The following MAP2K3 variants were observed in gnomAD, a reference collection of about 807,000 sequenced individuals.
MAP2K3 encodes the protein dual specificity mitogen-activated protein kinase kinase 3.
Under a neutral mutation model 46.4 loss-of-function variants are expected in MAP2K3, and 30 were observed. That is an observed-to-expected ratio of 0.65 (90% CI 0.48 to 0.88). The LOEUF (loss-of-function observed/expected upper bound fraction) is 0.88. MAP2K3 is among the 40% of genes least tolerant of loss of function. The pLI is 0.00. For synonymous variants in MAP2K3, 189 were observed against 176.3 expected (o/e 1.07, Z -0.57); for missense variants, 380 against 464.5 (o/e 0.82, Z 1.67).
chr17:21,299,932 A>C (rs1183063646), intron 3 of MAP2K3, among the ~76,000 whole-genome samples: 2 of 152,298 alleles, frequency 1.3e-5, no homozygotes, highest in Admixed American at 1.3e-4. Flanking sequence ...CAGTGAGCCA[A>C]GATTACCCCA....
intron 5 of MAP2K3, among the ~76,000 whole-genome samples, chr17:21,301,837 G>A (rs1441526258): frequency 5.9e-5 from 9 of 152,304 alleles, no homozygotes; most frequent in African/African-American, 1.4e-4. Context: ...TGGTGCAGGT[G>A]CATCCTGAAG....
intron 1 of MAP2K3, among the ~76,000 whole-genome samples, chr17:21,293,583 G>A (rs1219850063): frequency 3.9e-5 from 6 of 152,310 alleles, no homozygotes; most frequent in Admixed American, 3.3e-4. Context: ...GGGATCCCCC[G>A]TTCTCTGCAG....
intron 3 of MAP2K3, among the ~76,000 whole-genome samples, chr17:21,299,215 A>G (rs1976449032): frequency 6.6e-6 from 1 of 152,298 alleles, no homozygotes. Context: ...TCCTAGCCCT[A>G]GGGGAGAGTA....
chr17:21,310,330 A>C (rs1348548407), intron 9 of MAP2K3, among the ~76,000 whole-genome samples: 1 of 150,918 alleles, frequency 6.6e-6, no homozygotes, highest in African/African-American at 2.4e-5. Context: ...ATTATAATAG[A>C]CTCCTGTATG....
At chr17:21,299,163 G>A (rs1393951684) in intron 3 of MAP2K3, among the ~76,000 whole-genome samples, 4 of 152,310 alleles carry the variant, frequency 2.6e-5, no homozygotes, top group African/African-American at 9.6e-5. Context: ...GCCCAGAGCT[G>A]GTAGGAAGGT....
In MAP2K3 at chr17:21,303,169, C is replaced by G. The variant is rs752896798; in HGVS notation, c.517-14C>G. The G allele has an allele frequency of 9.3e-6, 15 of 1,614,004 alleles. No individual in the cohort carries two copies. Among genetic ancestry groups the G allele is most frequent in the African/African-American group, 1.3e-5 (1 of 74,962 alleles). On this transcript the variant is annotated splice_polypyrimidine_tract_variant and intron_variant, in intron 6 of 11. Transcript: ENST00000342679. ...AGAGTCCTGTCTCTTCCCTCCTCCC[C>G]ACCCCACCGCCAGATCGTGCGGGCC...
intron 2 of MAP2K3, 147 bp downstream of exon 2, chr17:21,298,626 G>C (rs746587848): frequency 3.8e-6 from 5 of 1,328,568 alleles, no homozygotes; most frequent in African/African-American, 1.4e-5. Context: ...GCCAGGTGAC[G>C]GCTGCTGGGG....
intron 10 of MAP2K3, among the ~76,000 whole-genome samples, chr17:21,312,748 C>G (rs1416463167): frequency 1.3e-5 from 2 of 152,062 alleles, no homozygotes; most frequent in Non-Finnish European, 2.9e-5. Context: ...AACCCCGACT[C>G]TACTAAAAAT....
intron 9 of MAP2K3, among the ~76,000 whole-genome samples, chr17:21,310,238 A>C (rs1032440384): frequency 1.3e-5 from 2 of 151,726 alleles, no homozygotes; most frequent in Non-Finnish European, 2.9e-5. Context: ...CGAACCCCCG[A>C]CCTCAAGTGA....
intron 1 of MAP2K3, among the ~76,000 whole-genome samples, chr17:21,292,120 C>T (rs1467295401): frequency 6.6e-6 from 1 of 152,310 alleles, no homozygotes; most frequent in Non-Finnish European, 1.5e-5. Flanking sequence ...TCAGCATCTG[C>T]ACTGGACAGT....
At chr17:21,286,188 C>T (rs536993954) in intron 1 of MAP2K3, among the ~76,000 whole-genome samples, 1 of 152,348 alleles carries the variant, frequency 6.6e-6, no homozygotes, top group South Asian at 2.1e-4. Context: ...TAGCACCTGG[C>T]GCAGAGCCGG....
chr17:21,298,881 C>T lies in MAP2K3; in HGVS notation c.120C>T (p.Pro40=). The part of the protein sequence containing the change: ...MSKPPAPNPT[P]PRNLDSRTFI... ...ACGGAGTCTTCTTTCTCCACAGACCCCCCCGGAACCTGGACTCCCGGACCT... is the reference window on the plus strand; with the variant it reads ...ACGGAGTCTTCTTTCTCCACAGACCTCCCCGGAACCTGGACTCCCGGACCT... Residue 40 remains proline (P), a synonymous_variant, in exon 3 of 12, where the codon CCC becomes CCT. Coordinates refer to ENST00000342679, the MANE Select transcript of MAP2K3 (RefSeq NM_145109.3). 1.9e-6 allele frequency: 3 copies of T among 1,614,308 alleles called. No homozygotes were observed. Among genetic ancestry groups the T allele is most frequent in the East Asian group, 2.2e-5 (1 of 44,896 alleles).
intron 10 of MAP2K3, among the ~76,000 whole-genome samples, chr17:21,312,847 G>A (rs12602050): frequency 0.29 from 43,506 of 151,470 alleles, 6,711 homozygotes; most frequent in African/African-American, 0.4. Context: ...CCCGGGAGCC[G>A]GAGGTTGCAG....
intron 8 of MAP2K3, 52 bp from the exon 9 acceptor site, chr17:21,304,999 C>T (rs1162586321): frequency 6.8e-6 from 11 of 1,610,148 alleles, no homozygotes; most frequent in Non-Finnish European, 9.4e-6. Flanking sequence ...AAGGCCTAGC[C>T]ATGGGGGCTT....
intron 6 of MAP2K3, among the ~76,000 whole-genome samples, chr17:21,302,875 G>A (rs1476007690): frequency 6.6e-6 from 1 of 152,312 alleles, no homozygotes; most frequent in Non-Finnish European, 1.5e-5. Flanking sequence ...AGGGGAGATG[G>A]GACAGGGAGG....
At chr17:21,290,348 C>A (rs906144967) in intron 1 of MAP2K3, among the ~76,000 whole-genome samples, 4 of 117,576 alleles carry the variant, frequency 3.4e-5, no homozygotes, top group Admixed American at 1.7e-4. Context: ...TCATTCTGCT[C>A]TTGCCTGGCT....
intron 1 of MAP2K3, chr17:21,287,862 C>T (rs145637416): frequency 1.5e-4 from 59 of 386,794 alleles, no homozygotes; most frequent in African/African-American, 1.1e-3. Context: ...CCGATGGTGA[C>T]ACTGAGGTTT....
chr17:21,298,791 G>A (rs571566465), intron 2 of MAP2K3, 87 bp from the exon 3 acceptor site: 47 of 1,599,938 alleles, frequency 2.9e-5, no homozygotes, highest in East Asian at 6.7e-5. Flanking sequence ...TCGTCCCCAC[G>A]CCAGGCCCCA....
At chr17:21,307,867 T>G (rs1976973594) in intron 9 of MAP2K3, among the ~76,000 whole-genome samples, 1 of 148,574 alleles carries the variant, frequency 6.7e-6, no homozygotes, top group East Asian at 2.0e-4. Context: ...TTTTTTTTTT[T>G]TTTTTTGAGA....
Sources: gnomAD v4.1 joint callset for allele counts (sites outside exome capture counted in the v4.1 genomes callset) on GRCh38, gnomAD v4.1.1 for gene constraint, MANE v1.5 for transcripts, NCBI Gene and HGNC (gene_info 2026-07-23, HGNC 2026-07-21) for gene names.